SCARB2: variants seen among roughly 807,000 people sequenced by gnomAD.
SCARB2 encodes the protein lysosome membrane protein 2.
In SCARB2, 29 loss-of-function variants were observed where a neutral mutation model predicts 58.6. The observed-to-expected ratio is 0.49, with a 90% CI of 0.37 to 0.67. The LOEUF (loss-of-function observed/expected upper bound fraction) is 0.67, where lower values mean the gene tolerates loss of function less well. Among genes scored for constraint, SCARB2 ranks in the 30% least tolerant of loss-of-function variants. The pLI is 0.00. For synonymous variants in SCARB2, 195 were observed against 210.1 expected (o/e 0.93, Z 0.62); for missense variants, 488 against 578.5 (o/e 0.84, Z 1.60).
In SCARB2 at chr4:76,161,564, C is replaced by T. The variant is rs1731898332; in HGVS notation, c.*149G>A. On this transcript the variant is annotated 3_prime_UTR_variant, in exon 12 of 12. Coordinates refer to ENST00000264896, the MANE Select transcript of SCARB2 (RefSeq NM_005506.4). ...GCCATGTCAGCCTGCTCTTTAACCT[C>T]TGGCCAGAATGTTCCTATCACTTGC... 1 of 801,844 alleles carries T rather than the reference C, an allele frequency of 1.2e-6. No homozygotes were observed. The allele number at this position is 801,844 out of a possible 1,614,324, so 49.7% of individuals were successfully genotyped here. A position where few individuals can be genotyped will look rare whatever the true frequency, so the allele number is the denominator to read the frequency against.
intron 1 of SCARB2, among the ~76,000 whole-genome samples, chr4:76,220,852 G>A (rs2109979546): frequency 6.6e-6 from 1 of 152,322 alleles, no homozygotes; most frequent in South Asian, 2.1e-4. Context: ...AAGCAAGATT[G>A]TACAAGAATG....
At chr4:76,180,056 A>T (rs1364922891) in intron 3 of SCARB2, 3 of 315,286 alleles carry the variant, frequency 9.5e-6, no homozygotes, top group Non-Finnish European at 1.9e-5. Flanking sequence ...GGCTCATTAT[A>T]AACCCGACCT....
At chr4:76,201,531 T>C (rs1157677909) in intron 1 of SCARB2, among the ~76,000 whole-genome samples, 1 of 152,226 alleles carries the variant, frequency 6.6e-6, no homozygotes, top group Non-Finnish European at 1.5e-5. Flanking sequence ...CAGTTCTTCT[T>C]GGTAAAATCT....
chr4:76,194,601 C>T (rs1301796224), intron 2 of SCARB2: 1 of 152,146 alleles, frequency 6.6e-6, no homozygotes, highest in Non-Finnish European at 1.5e-5. Flanking sequence ...ATGAATCAGT[C>T]AGCAATAATT....
chr4:76,189,814 C>T (rs139726336), intron 2 of SCARB2, among the ~76,000 whole-genome samples: 15 of 152,128 alleles, frequency 9.9e-5, no homozygotes, highest in African/African-American at 3.1e-4. Flanking sequence ...CATCAGATCT[C>T]GTGAGAACTA....
chr4:76,184,456 T>C (rs1363310656), intron 2 of SCARB2, among the ~76,000 whole-genome samples: 3 of 152,216 alleles, frequency 2.0e-5, no homozygotes, highest in African/African-American at 7.2e-5. Context: ...ACTTTTCATT[T>C]GTTAGACAAC....
At chr4:76,228,247 G>C (rs185139850) in intron 1 of SCARB2, among the ~76,000 whole-genome samples, 6 of 152,170 alleles carry the variant, frequency 3.9e-5, no homozygotes, top group African/African-American at 9.6e-5. Context: ...GGAGGCTGAG[G>C]GGGGTGCAGA....
At chr4:76,169,524 G>A (rs1732084960) in intron 8 of SCARB2, among the ~76,000 whole-genome samples, 2 of 152,180 alleles carry the variant, frequency 1.3e-5, no homozygotes, top group Non-Finnish European at 2.9e-5. Flanking sequence ...ATCGATCTGT[G>A]TCCCAAGGGG....
intron 1 of SCARB2, among the ~76,000 whole-genome samples, chr4:76,210,155 G>A (rs1475289459): frequency 6.6e-6 from 1 of 152,058 alleles, no homozygotes; most frequent in Non-Finnish European, 1.5e-5. Context: ...CATTGTGCTG[G>A]GTGCTTTATA....
chr4:76,207,571 G>A (rs72655539), intron 1 of SCARB2, among the ~76,000 whole-genome samples: 24,732 of 152,188 alleles, frequency 0.16, 2,266 homozygotes, highest in Middle Eastern at 0.34. Context: ...ACCTAAAGTG[G>A]TCTTTATTTT....
At chr4:76,230,357 C>T (rs1014870357) in intron 1 of SCARB2, among the ~76,000 whole-genome samples, 7 of 151,810 alleles carry the variant, frequency 4.6e-5, no homozygotes, top group Admixed American at 2.0e-4. Flanking sequence ...TGGTCTTGCT[C>T]GCTCTGTGCC....
intron 7 of SCARB2, among the ~76,000 whole-genome samples, chr4:76,171,375 C>T (rs981607726): frequency 1.3e-5 from 2 of 152,180 alleles, no homozygotes; most frequent in Admixed American, 6.5e-5. Context: ...AAACTGATGT[C>T]TGGAACCCTC....
chr4:76,230,755 G>A (rs1733478641), intron 1 of SCARB2, among the ~76,000 whole-genome samples: 1 of 152,144 alleles, frequency 6.6e-6, no homozygotes, highest in Non-Finnish European at 1.5e-5. Flanking sequence ...CACTCATGAA[G>A]CAGGGGGTTT....
intron 1 of SCARB2, among the ~76,000 whole-genome samples, chr4:76,205,990 C>G (rs1003949603): frequency 3.3e-5 from 5 of 152,182 alleles, no homozygotes; most frequent in African/African-American, 1.2e-4. Flanking sequence ...CCCCTCAAAA[C>G]TCCTTTGTTG....
chr4:76,223,808 C>T (rs1475098491), intron 1 of SCARB2, among the ~76,000 whole-genome samples: 2 of 152,126 alleles, frequency 1.3e-5, no homozygotes, highest in East Asian at 1.9e-4. Context: ...CCACTCTCCA[C>T]CTCACTAAAA....
At chr4:76,194,912 C>T (rs891508459) in intron 2 of SCARB2, 1 of 152,164 alleles carries the variant, frequency 6.6e-6, no homozygotes, top group Non-Finnish European at 1.5e-5. Context: ...AAGACTCTAA[C>T]AGCCTCTGCT....
chr4:76,206,383 G>A (rs545196311), intron 1 of SCARB2, among the ~76,000 whole-genome samples: 6 of 152,174 alleles, frequency 3.9e-5, no homozygotes, highest in African/African-American at 1.4e-4. Flanking sequence ...ACAGAACTTG[G>A]TATGACGAGT....
chr4:76,163,193 G>C, intron 11 of SCARB2, 32 bp downstream of exon 11: 1 of 1,613,420 alleles, frequency 6.2e-7, no homozygotes, highest in Non-Finnish European at 8.5e-7. Context: ...AAGTTATCCA[G>C]TAAGGAAGAA....
At chr4:76,204,547 G>A (rs1732892144) in intron 1 of SCARB2, among the ~76,000 whole-genome samples, 1 of 152,154 alleles carries the variant, frequency 6.6e-6, no homozygotes, top group Admixed American at 6.6e-5. Context: ...GATTACAAAT[G>A]TACAGCCAAG....
Sources: gnomAD v4.1 joint callset for allele counts (sites outside exome capture counted in the v4.1 genomes callset) on GRCh38, gnomAD v4.1.1 for gene constraint, MANE v1.5 for transcripts, NCBI Gene and HGNC (gene_info 2026-07-23, HGNC 2026-07-21) for gene names.